EP300: variants seen among roughly 807,000 people sequenced by gnomAD.
The protein encoded by EP300 is EP300 lysine acetyltransferase, also known as histone acetyltransferase p300.
EP300 carries 31 observed loss-of-function variants against 264.0 expected under a neutral mutation model. The ratio of observed to expected loss-of-function variants is 0.12; its 90% confidence interval spans 0.09 to 0.16. The LOEUF (loss-of-function observed/expected upper bound fraction) is 0.16, where lower values mean the gene tolerates loss of function less well. Ranked by LOEUF, EP300 falls within the 10% of genes least tolerant of loss-of-function variation. EP300 has a pLI of 1.00. For synonymous variants in EP300, 1,340 were observed against 1,045.4 expected (o/e 1.28, Z -5.44); for missense variants, 2,766 against 3,052.9 (o/e 0.91, Z 2.21).
Position 41,177,442 on chromosome 22 carries a change from CCTCAGACTG to C in EP300, c.5737_5745del (p.Thr1913_Gln1915del). The C allele has an allele frequency of 6.2e-7, 1 of 1,614,186 alleles. No homozygotes were observed. The highest frequency in any genetic ancestry group is 2.2e-5 in the East Asian group (1 of 44,878). ...AGGCCAGGTGACCCCTCCAACCCCTCCTCAGACTGCTCAGCCACCCCTTCCAGGGCCCCC... is the reference window on the plus strand; with the variant it reads ...AGGCCAGGTGACCCCTCCAACCCCTCCTCAGCCACCCCTTCCAGGGCCCCC... On this transcript the variant is annotated inframe_deletion, in exon 31 of 31. Coordinates refer to ENST00000263253, the MANE Select transcript of EP300 (RefSeq NM_001429.4).
At chr22:41,147,402 A>T (rs770929379) in intron 11 of EP300, among the ~76,000 whole-genome samples, 40 of 151,978 alleles carry the variant, frequency 2.6e-4, no homozygotes, top group Non-Finnish European at 3.8e-4. Context: ...AATGAGACAG[A>T]TTTATTTATA....
chr22:41,092,697 C>T lies in EP300; in HGVS notation c.-308C>T, dbSNP rs954459404. On this transcript the variant is annotated 5_prime_UTR_variant, in exon 1 of 31. Coordinates refer to ENST00000263253, the MANE Select transcript of EP300 (RefSeq NM_001429.4). ...CGGCCGTGGCGGGCCGGGGACTGCG[C>T]CTCTAGAGCCGCGAGTTCTCGGGAA... 2 of 620,908 alleles carry T rather than the reference C, an allele frequency of 3.2e-6. No individual in the cohort carries two copies. The highest frequency in any genetic ancestry group is 5.8e-6 in the Non-Finnish European group (2 of 343,006). 38.5% of individuals were successfully genotyped at this position (620,908 alleles called of 1,614,324 possible). A position where few individuals can be genotyped will look rare whatever the true frequency, so the allele number is the denominator to read the frequency against.
Position 41,117,242 on chromosome 22 carries a change from T to C in EP300, c.150T>C (p.Ser50=). 6.2e-7 allele frequency: 1 copy of C among 1,614,210 alleles called. No homozygotes were observed. Among genetic ancestry groups the C allele is most frequent in the Non-Finnish European group, 8.5e-7 (1 of 1,180,034 alleles). ...ACTTACCAGATGAATTAATCAACTC[T>C]ACAGAATTGGGACTAACCAATGGTG... is the stretch of plus-strand genomic sequence containing the variant. ...EHDLPDELIN[S]TELGLTNGGD... is the part of the protein sequence containing the mutation. Residue 50 remains serine (S), a synonymous_variant, in exon 2 of 31, where the codon TCT becomes TCC. Transcript: ENST00000263253.
Position 41,151,816 on chromosome 22 carries a change from CT to C in EP300, c.2818-9del, listed in dbSNP as rs1281166131. ...CTCTGCGTGTGTCTCACCTACTTCC[CT>C]TTTTTTTCTGCCCAGCTTTCCCAGC... On this transcript the variant is annotated splice_polypyrimidine_tract_variant and intron_variant, in intron 14 of 30. Coordinates refer to ENST00000263253, the MANE Select transcript of EP300 (RefSeq NM_001429.4). The C allele has an allele frequency of 1.2e-6, 2 of 1,612,322 alleles. No homozygotes were observed. The highest frequency in any genetic ancestry group is 1.7e-6 in the Non-Finnish European group (2 of 1,178,874).
At chr22:41,123,009 C>G (rs1051046927) in intron 2 of EP300, among the ~76,000 whole-genome samples, 3 of 152,008 alleles carry the variant, frequency 2.0e-5, no homozygotes, top group African/African-American at 4.8e-5. Flanking sequence ...GCACTCCAAC[C>G]TAGGCAACAG....
chr22:41,102,047 A>G (rs58546741), intron 1 of EP300, among the ~76,000 whole-genome samples: 5 of 41,226 alleles, frequency 1.2e-4, no homozygotes, highest in African/African-American at 4.4e-4. Flanking sequence ...TTTTTTTTTT[A>G]GTACTGGTTG....
At position 41,156,483 on chromosome 22, in the gene EP300, G is replaced by A. The variant is rs370396409; in HGVS notation, c.3262-686G>A. Reference sequence around the variant, plus strand: ...CGCCTGTAATCCCAACACTTTTGGAGGCCAAGGCAGGCAGATCACTTGAGT... The same window carrying A: ...CGCCTGTAATCCCAACACTTTTGGAAGCCAAGGCAGGCAGATCACTTGAGT... On this transcript the variant is annotated intron_variant, in intron 17 of 30. Coordinates refer to ENST00000263253, the MANE Select transcript of EP300 (RefSeq NM_001429.4). 5.1e-4 allele frequency among the ~76,000 whole-genome samples: 78 copies of A among 152,304 alleles called. 2 individuals are homozygous for A. The Middle Eastern group carries it at 0.024, about 46-fold the overall frequency.
At chr22:41,098,259 A>G (rs2058712872) in intron 1 of EP300, among the ~76,000 whole-genome samples, 1 of 152,184 alleles carries the variant, frequency 6.6e-6, no homozygotes, top group African/African-American at 2.4e-5. Context: ...TCACTTTCCC[A>G]GAAGCGCTTA....
chr22:41,166,411 GC>G (rs2059134767), intron 22 of EP300, among the ~76,000 whole-genome samples, 187 bp from the exon 23 acceptor site: 2 of 152,006 alleles, frequency 1.3e-5, no homozygotes, highest in African/African-American at 4.8e-5. Context: ...CATGTCTGTT[GC>G]TTGATTTTCA....
chr22:41,141,255 GAA>G, intron 10 of EP300, 33 bp downstream of exon 10: 4 of 1,594,936 alleles, frequency 2.5e-6, no homozygotes, highest in Non-Finnish European at 3.4e-6. Context: ...CTGTTTGAGA[GAA>G]ATTGATAATA....
At chr22:41,137,557 T>G in intron 7 of EP300, 96 bp from the exon 8 acceptor site, 1 of 1,512,022 alleles carries the variant, frequency 6.6e-7, no homozygotes, top group Non-Finnish European at 9.2e-7. Context: ...TGACATAGCA[T>G]ATTGATTCCA....
intron 2 of EP300, among the ~76,000 whole-genome samples, chr22:41,122,797 T>A (rs1326482875): frequency 6.6e-6 from 1 of 152,132 alleles, no homozygotes; most frequent in Non-Finnish European, 1.5e-5. Context: ...GGGAGATGCC[T>A]GTAATCCCAG....
At chr22:41,152,967 A>T (rs1462309103) in intron 16 of EP300, among the ~76,000 whole-genome samples, 1 of 152,180 alleles carries the variant, frequency 6.6e-6, no homozygotes. Flanking sequence ...CGTGTTGGCC[A>T]GGATGGTCTC....
At chr22:41,104,287 GT>G (rs1224430625) in intron 1 of EP300, among the ~76,000 whole-genome samples, 1 of 151,214 alleles carries the variant, frequency 6.6e-6, no homozygotes. Context: ...TCATCATGTA[GT>G]TTTTTTGGTT....
chr22:41,149,947 GCAA>G lies in EP300; in HGVS notation c.2573_2575del (p.Thr858del), dbSNP rs770125372. The G allele has an allele frequency of 7.4e-6, 12 of 1,613,144 alleles. No homozygotes were observed. The highest frequency in any genetic ancestry group is 2.7e-5 in the African/African-American group (2 of 74,592). ...AAGCATAGGGGCTCAGCAGCCACCA[GCAA>G]CAACAATTCCAGCCCCTGTTCCTAC... On this transcript the variant is annotated inframe_deletion, in exon 14 of 31. Transcript: ENST00000263253.
chr22:41,160,505 T>C lies in EP300; in HGVS notation c.3591-137T>C, dbSNP rs1037982467. On this transcript the variant is annotated intron_variant, in intron 19 of 30. Coordinates refer to ENST00000263253, the MANE Select transcript of EP300 (RefSeq NM_001429.4). ...GCCCATATATCTGCATCATTGAATG[T>C]CCTTGTCGCCGTTGATGACCTGCTC... is the stretch of plus-strand genomic sequence containing the variant. 5.5e-6 allele frequency: 4 copies of C among 732,832 alleles called. No individual in the cohort carries two copies. In the African/African-American group the frequency reaches 6.9e-5, roughly 13 times the overall value. 45.4% of individuals were successfully genotyped at this position (732,832 alleles called of 1,614,324 possible).
At chr22:41,128,657 G>T (rs1197994071) in intron 4 of EP300, among the ~76,000 whole-genome samples, 2 of 151,838 alleles carry the variant, frequency 1.3e-5, no homozygotes, top group African/African-American at 2.4e-5. Flanking sequence ...ACAGGCAGGC[G>T]CCTACCACCA....
chr22:41,110,233 G>T (rs2058781972), intron 1 of EP300, among the ~76,000 whole-genome samples: 1 of 141,830 alleles, frequency 7.1e-6, no homozygotes, highest in South Asian at 2.2e-4. Flanking sequence ...GCTCAAGCAG[G>T]CCCTTTGAGT....
intron 4 of EP300, 24 bp downstream of exon 4, chr22:41,127,772 G>C: frequency 6.2e-7 from 1 of 1,613,798 alleles, no homozygotes; most frequent in Non-Finnish European, 8.5e-7. Context: ...CAGGGTTACT[G>C]TACTTAGCAA....
Sources: allele counts gnomAD v4.1 joint callset (sites outside exome capture counted in the v4.1 genomes callset), GRCh38; gene constraint gnomAD v4.1.1; transcripts MANE v1.5; gene names NCBI Gene and HGNC (gene_info 2026-07-23, HGNC 2026-07-21).